PLCH2: variants seen among roughly 807,000 people sequenced by gnomAD.
The protein encoded by PLCH2 is 1-phosphatidylinositol 4,5-bisphosphate phosphodiesterase eta-2.
Under a neutral mutation model 134.7 loss-of-function variants are expected in PLCH2, and 98 were observed. The observed-to-expected ratio is 0.73, with a 90% confidence interval of 0.62 to 0.86. The LOEUF is 0.86. Among genes scored for constraint, PLCH2 ranks in the 40% least tolerant of loss-of-function variants. The probability of loss-of-function intolerance (pLI) is 0.00; values close to 1 mark genes in which losing one functional copy is unlikely to be tolerated. For synonymous variants in PLCH2, 974 were observed against 827.5 expected (o/e 1.18, Z -3.04); for missense variants, 1,994 against 1,986.6 (o/e 1.00, Z -0.07).
Position 2,504,877 on chromosome 1 carries a change from GCTCA to G in PLCH2, c.3918_3921del (p.Thr1307SerfsTer190), listed in dbSNP as rs750018424. 2.5e-4 allele frequency: 397 copies of G among 1,592,512 alleles called. 1 individual carries two copies. Among genetic ancestry groups the G allele is most frequent in the Middle Eastern group, 6.7e-4 (4 of 5,996 alleles). On this transcript the variant is annotated frameshift_variant, in exon 22 of 22. Coordinates refer to ENST00000378486, the MANE Select transcript of PLCH2 (RefSeq NM_014638.4). LOFTEE classifies it high-confidence loss of function. The stretch of plus-strand genomic sequence containing the variant: ...ACACCCTGACAGAGCAGCTGCGCTG[GCTCA>G]CTGTCTTCCAGCAGGCAGGAGACAT...
intron 4 of PLCH2, among the ~76,000 whole-genome samples, chr1:2,483,671 T>C (rs1642095051): frequency 6.6e-6 from 1 of 152,088 alleles, no homozygotes. Context: ...GGGGACTTTA[T>C]TGCTGCCATG....
upstream of PLCH2, among the ~76,000 whole-genome samples, chr1:2,462,470 C>T (rs900240646): frequency 3.4e-5 from 5 of 148,376 alleles, no homozygotes; most frequent in Admixed American, 6.7e-5. Flanking sequence ...CACCCTTCCA[C>T]CTGACACCCC....
chr1:2,484,396 C>G, intron 4 of PLCH2, 52 bp from the exon 5 acceptor site: 1 of 1,582,778 alleles, frequency 6.3e-7, no homozygotes, highest in Non-Finnish European at 8.6e-7. Context: ...GACCCCTGTG[C>G]ATGCAGGCCC....
chr1:2,457,776 C>A (rs1046136046), intron 2 of PLCH2, among the ~76,000 whole-genome samples: 1 of 152,064 alleles, frequency 6.6e-6, no homozygotes, highest in East Asian at 1.9e-4. Flanking sequence ...GGAACATGAA[C>A]CATCCCGGTC....
upstream of PLCH2, among the ~76,000 whole-genome samples, chr1:2,464,017 C>G (rs527432447): frequency 3.3e-5 from 5 of 152,358 alleles, no homozygotes; most frequent in African/African-American, 1.2e-4. Flanking sequence ...TCAGGGCACC[C>G]CTTGCTGGCA....
intron 3 of PLCH2, 33 bp downstream of exon 3, chr1:2,480,010 C>G (rs1250224600): frequency 6.3e-7 from 1 of 1,594,614 alleles, no homozygotes; most frequent in Admixed American, 1.7e-5. Flanking sequence ...CAATGCAGAC[C>G]CAGGGACCGG....
chr1:2,471,902 C>T (rs761608822), upstream of PLCH2, among the ~76,000 whole-genome samples: 28 of 152,220 alleles, frequency 1.8e-4, no homozygotes, highest in Non-Finnish European at 1.5e-4. Context: ...ACAACGCCCC[C>T]ACCTCCTGCT....
upstream of PLCH2, among the ~76,000 whole-genome samples, chr1:2,471,423 G>A (rs190796359): frequency 5.0e-4 from 76 of 152,326 alleles, no homozygotes; most frequent in South Asian, 4.3e-3. Flanking sequence ...TGCCACTGCC[G>A]GCTGCTTGGA....
At chr1:2,450,185 G>T (rs139262782) in intron 2 of PLCH2, among the ~76,000 whole-genome samples, 1 of 152,066 alleles carries the variant, frequency 6.6e-6, no homozygotes, top group African/African-American at 2.4e-5. Flanking sequence ...GGGCCTCGAC[G>T]GGGGGGCAGA....
upstream of PLCH2, among the ~76,000 whole-genome samples, chr1:2,465,685 T>G (rs959435046): frequency 1.3e-5 from 2 of 152,130 alleles, no homozygotes; most frequent in African/African-American, 2.4e-5. Flanking sequence ...TTAAGCAAAT[T>G]AACATGTGCA....
chr1:2,503,681 G>A, intron 21 of PLCH2: 3 of 663,874 alleles, frequency 4.5e-6, no homozygotes, highest in Non-Finnish European at 8.3e-6. Context: ...TGCTGTCCCA[G>A]CCCAAGGAGG....
At chr1:2,450,700 C>T (rs1201600937) in intron 2 of PLCH2, among the ~76,000 whole-genome samples, 1 of 41,170 alleles carries the variant, frequency 2.4e-5, no homozygotes, top group Non-Finnish European at 5.0e-5. Flanking sequence ...GCCTGCCCCC[C>T]CGCTCCCCGC....
At position 2,504,864 on chromosome 1, in the gene PLCH2, A is replaced by C. The variant is rs79405490; in HGVS notation, c.3902A>C (p.Glu1301Ala). ...GGGGTGAGACGGGACACCCTGACAG[A>C]GCAGCTGCGCTGGCTCACTGTCTTC... ...GPGVRRDTLT[E>A]QLRWLTVFQQ... is the part of the protein sequence containing the mutation. The change falls in exon 22 of 22, where the codon GAG (glutamate) becomes GCG (alanine). Residue 1301 changes from glutamate to alanine, a missense_variant. By Grantham distance (107) the Glu-to-Ala change is moderately radical. Coordinates refer to ENST00000378486, the MANE Select transcript of PLCH2 (RefSeq NM_014638.4). The C allele has an allele frequency of 0.027, 43,407 of 1,597,752 alleles. 691 individuals are homozygous for C. Among genetic ancestry groups the C allele is most frequent in the Non-Finnish European group, 0.032 (37,247 of 1,172,204 alleles).
chr1:2,436,394 A>T (rs1001819542), intron 2 of PLCH2, among the ~76,000 whole-genome samples: 9 of 18,022 alleles, frequency 5.0e-4, no homozygotes, highest in Admixed American at 6.7e-4. Flanking sequence ...TCCTCCCTCC[A>T]CCTTTCCTCC....
upstream of PLCH2, among the ~76,000 whole-genome samples, chr1:2,473,674 G>A (rs952926781): frequency 2.6e-5 from 4 of 152,214 alleles, no homozygotes; most frequent in African/African-American, 7.2e-5. Flanking sequence ...GCCTCACAGG[G>A]ACAGAGCAGG....
upstream of PLCH2, among the ~76,000 whole-genome samples, chr1:2,472,898 C>T (rs1002289048): frequency 6.6e-6 from 1 of 152,046 alleles, no homozygotes. Context: ...CCAAAGCTGC[C>T]CCGGGTGTGT....
At chr1:2,473,696 C>T (rs535467207), upstream of PLCH2, among the ~76,000 whole-genome samples, 5 of 152,340 alleles carry the variant, frequency 3.3e-5, no homozygotes, top group Non-Finnish European at 5.9e-5. Context: ...AGGAGGACTT[C>T]GAGGTCCCTG....
At chr1:2,457,583 G>T (rs1017448354) in intron 2 of PLCH2, among the ~76,000 whole-genome samples, 1 of 152,136 alleles carries the variant, frequency 6.6e-6, no homozygotes, top group African/African-American at 2.4e-5. Context: ...TGGGGGAGCG[G>T]CTGAGCTGCT....
intron 2 of PLCH2, among the ~76,000 whole-genome samples, chr1:2,451,807 C>T (rs1325949814): frequency 6.6e-6 from 1 of 152,180 alleles, no homozygotes; most frequent in Admixed American, 6.5e-5. Context: ...AGCCCTGCCC[C>T]CACTGCGTCT....
Sources: allele counts gnomAD v4.1 joint callset (sites outside exome capture counted in the v4.1 genomes callset), GRCh38; gene constraint gnomAD v4.1.1; transcripts MANE v1.5; gene names NCBI Gene and HGNC (gene_info 2026-07-23, HGNC 2026-07-21).